VPS13A: variants seen among roughly 807,000 people sequenced by gnomAD.
VPS13A encodes intermembrane lipid transfer protein VPS13A.
In VPS13A, 264 loss-of-function variants were observed where a neutral mutation model predicts 390.9. The ratio of observed to expected loss-of-function variants is 0.68; its 90% CI spans 0.61 to 0.75. VPS13A has a LOEUF of 0.75. Ranked by LOEUF, VPS13A falls within the 30% of genes least tolerant of loss-of-function variation. VPS13A has a pLI of 0.00. For synonymous variants in VPS13A, 1,231 were observed against 1,227.1 expected, an observed-to-expected ratio of 1.00 and a Z score of -0.07; for missense variants, 3,409 against 3,733.9, an observed-to-expected ratio of 0.91 and a Z score of 2.27.
chr9:77,380,654 A>T (rs1020757629), intron 67 of VPS13A, among the ~76,000 whole-genome samples: 1 of 152,198 alleles, frequency 6.6e-6, no homozygotes, highest in Non-Finnish European at 1.5e-5. Context: ...GTATATGCCC[A>T]TGCATGTGTA....
At chr9:77,301,930 ATGTT>A (rs911637841) in intron 33 of VPS13A, among the ~76,000 whole-genome samples, 6 of 151,814 alleles carry the variant, frequency 4.0e-5, no homozygotes, top group South Asian at 4.1e-4. Flanking sequence ...GTCTTATATA[ATGTT>A]TGTTTACAAA....
chr9:77,300,147 G>GTT (rs370947645), intron 33 of VPS13A, among the ~76,000 whole-genome samples: 5 of 152,236 alleles, frequency 3.3e-5, no homozygotes, highest in East Asian at 3.9e-4. Context: ...ATAATATGCT[G>GTT]TAAGTTTTCA....
chr9:77,383,139 C>G, intron 68 of VPS13A: 1 of 740,274 alleles, frequency 1.4e-6, no homozygotes, highest in Non-Finnish European at 1.6e-6. Flanking sequence ...AAGATTTAAA[C>G]TTCAGTATTT....
intron 68 of VPS13A, among the ~76,000 whole-genome samples, chr9:77,392,444 T>C (rs762863386): frequency 4.6e-5 from 7 of 152,172 alleles, no homozygotes; most frequent in Non-Finnish European, 7.3e-5. Flanking sequence ...ACTAGAGTTA[T>C]TATTTTTTAT....
chr9:77,301,206 A>G (rs948580877), intron 33 of VPS13A, among the ~76,000 whole-genome samples: 5 of 152,360 alleles, frequency 3.3e-5, no homozygotes, highest in African/African-American at 1.2e-4. Flanking sequence ...AGATATAGAT[A>G]TATAAAATAC....
chr9:77,292,575 C>T (rs1476307209), intron 31 of VPS13A, among the ~76,000 whole-genome samples: 1 of 152,108 alleles, frequency 6.6e-6, no homozygotes, highest in African/African-American at 2.4e-5. Context: ...GTACCTCAGC[C>T]TTCGGAGGTC....
intron 20 of VPS13A, among the ~76,000 whole-genome samples, chr9:77,248,243 T>C (rs1824939667): frequency 6.6e-6 from 1 of 151,028 alleles, no homozygotes; most frequent in Non-Finnish European, 1.5e-5. Flanking sequence ...TGAGACAGAG[T>C]CTGGCTCTGT....
intron 70 of VPS13A, 109 bp downstream of exon 70, chr9:77,406,096 C>T (rs778415567): frequency 3.4e-6 from 5 of 1,465,770 alleles, no homozygotes; most frequent in East Asian, 2.3e-5. Context: ...GTCACTTTGT[C>T]CTGGTGTGGT....
intron 22 of VPS13A, among the ~76,000 whole-genome samples, chr9:77,255,435 G>A (rs1028629822): frequency 2.0e-5 from 3 of 151,942 alleles, no homozygotes; most frequent in African/African-American, 4.8e-5. Flanking sequence ...ACCATGTAAT[G>A]GGCTATTGAT....
chr9:77,210,232 CCCCTT>C (rs1825901427), intron 6 of VPS13A, among the ~76,000 whole-genome samples: 1 of 140,644 alleles, frequency 7.1e-6, no homozygotes, highest in Non-Finnish European at 1.5e-5. Flanking sequence ...CCCCTCCCCT[CCCCTT>C]GCCTCCCCTT....
intron 60 of VPS13A, among the ~76,000 whole-genome samples, chr9:77,366,010 A>G (rs1222495477): frequency 6.6e-6 from 1 of 152,130 alleles, no homozygotes; most frequent in Non-Finnish European, 1.5e-5. Context: ...TGTAGAGTAT[A>G]TATGCAATAC....
chr9:77,410,143 G>A (rs889459358), intron 71 of VPS13A, among the ~76,000 whole-genome samples: 4 of 152,118 alleles, frequency 2.6e-5, no homozygotes, highest in South Asian at 2.1e-4. Context: ...CCAATATTCA[G>A]CATTCTTAAA....
At chr9:77,297,085 T>A (rs1045328041) in intron 33 of VPS13A, among the ~76,000 whole-genome samples, 2 of 152,112 alleles carry the variant, frequency 1.3e-5, no homozygotes, top group Non-Finnish European at 1.5e-5. Context: ...TGGTTTTATT[T>A]TTTTTTCTTT....
intron 67 of VPS13A, among the ~76,000 whole-genome samples, chr9:77,374,800 A>T (rs1474651189): frequency 6.6e-6 from 1 of 152,210 alleles, no homozygotes; most frequent in Non-Finnish European, 1.5e-5. Context: ...TTTGTAACAC[A>T]TATAACAGAT....
rs1823579397 is a variant in VPS13A at position 77,227,439 on chromosome 9, CA to C, written c.1408del (p.Ile470LeufsTer13). 1 of 1,613,568 alleles carries C rather than the reference CA, an allele frequency of 6.2e-7. No homozygotes were observed. The highest frequency in any genetic ancestry group is 1.7e-5 in the Admixed American group (1 of 59,960). On this transcript the variant is annotated frameshift_variant, in exon 16 of 72. Transcript: ENST00000360280. LOFTEE classifies it high-confidence loss of function. ...GAAGAAAAAGCTTTACTCTATGAAG[CA>C]ATTGGCTATAGTGAAACAGCAGTTG... ...TPEEKALLYE[A>X]IGYSETAVDP...
At position 77,298,243 on chromosome 9, in the gene VPS13A, G is replaced by A. The variant is rs187367206; in HGVS notation, c.3812+2397G>A. ...AGTGGAATATATGTGCCTAGGTGAT[G>A]CACATAGGTGATGTTGTTTAGACTT... On this transcript the variant is annotated intron_variant, in intron 33 of 71. Coordinates refer to ENST00000360280, the MANE Select transcript of VPS13A (RefSeq NM_033305.3). Among the ~76,000 whole-genome samples the A allele has an allele frequency of 1.4e-3, 216 of 152,316 alleles. 1 individual carries two copies. Among genetic ancestry groups the A allele is most frequent in the African/African-American group, 5.0e-3 (209 of 41,592 alleles).
chr9:77,252,400 G>A (rs1332941953), intron 22 of VPS13A, 48 bp downstream of exon 22: 16 of 1,437,066 alleles, frequency 1.1e-5, no homozygotes, highest in Non-Finnish European at 1.6e-5. Flanking sequence ...GGGTAATTCT[G>A]TAGCTAGGGA....
Position 77,369,489 on chromosome 9 carries a change from T to G in VPS13A, c.8667+77T>G, listed in dbSNP as rs1299614787. 4 of 1,012,336 alleles carry G rather than the reference T, an allele frequency of 4.0e-6. No individual in the cohort carries two copies. The East Asian group carries it at 9.6e-5, about 24-fold the overall frequency. The allele number at this position is 1,012,336 out of a possible 1,614,324, so 62.7% of individuals were successfully genotyped here. A position where few individuals can be genotyped will look rare whatever the true frequency, so the allele number is the denominator to read the frequency against. ...AGATAATACTTTTCTATTGTTAAGT[T>G]GAGTTAATAAGTGCAAACAGATTTT... On this transcript the variant is annotated intron_variant, in intron 63 of 71. Coordinates refer to ENST00000360280, the MANE Select transcript of VPS13A (RefSeq NM_033305.3).
At chr9:77,278,689 A>AT (rs1290268313) in intron 26 of VPS13A, among the ~76,000 whole-genome samples, 1 of 152,022 alleles carries the variant, frequency 6.6e-6, no homozygotes, top group Non-Finnish European at 1.5e-5. Context: ...AATTTGTGGC[A>AT]TTTTTTTCTC....
Sources: gnomAD v4.1 joint callset for allele counts (sites outside exome capture counted in the v4.1 genomes callset) on GRCh38, gnomAD v4.1.1 for gene constraint, MANE v1.5 for transcripts, NCBI Gene and HGNC (gene_info 2026-07-23, HGNC 2026-07-21) for gene names.